The following CADPS2 variants were observed in gnomAD, a reference collection of about 807,000 sequenced individuals.
CADPS2 encodes the protein calcium dependent secretion activator 2.
Under a neutral mutation model 172.5 loss-of-function variants are expected in CADPS2, and 93 were observed. The ratio of observed to expected loss-of-function variants is 0.54; its 90% CI spans 0.46 to 0.64. The LOEUF (loss-of-function observed/expected upper bound fraction) is 0.64. Ranked by LOEUF, CADPS2 falls within the 30% of genes least tolerant of loss-of-function variation. The pLI is 0.00. For synonymous variants in CADPS2, 546 were observed against 555.2 expected (o/e 0.98, Z 0.23); for missense variants, 1,420 against 1,565.9 (o/e 0.91, Z 1.57).
chr7:122,533,439 G>A (rs2061956493), intron 8 of CADPS2, among the ~76,000 whole-genome samples: 1 of 151,872 alleles, frequency 6.6e-6, no homozygotes, highest in Non-Finnish European at 1.5e-5. Flanking sequence ...TATTTTAAAT[G>A]TACACCCATG....
chr7:122,747,881 T>C (rs1212230680), intron 1 of CADPS2, among the ~76,000 whole-genome samples: 3 of 152,140 alleles, frequency 2.0e-5, no homozygotes, highest in African/African-American at 2.4e-5. Context: ...TAGAACCTAA[T>C]TAAGACGACA....
At chr7:122,845,203 T>C (rs1811653281) in intron 1 of CADPS2, among the ~76,000 whole-genome samples, 1 of 152,194 alleles carries the variant, frequency 6.6e-6, no homozygotes, top group Non-Finnish European at 1.5e-5. Context: ...CAGTAAGTGG[T>C]GGCTCAGCAA....
intron 4 of CADPS2, among the ~76,000 whole-genome samples, chr7:122,625,208 G>A (rs935567413): frequency 6.6e-5 from 10 of 151,932 alleles, no homozygotes; most frequent in South Asian, 4.2e-4. Context: ...GCGCCACCAC[G>A]CCCGGCTAAT....
intron 15 of CADPS2, among the ~76,000 whole-genome samples, chr7:122,448,912 TAAGGTGTGAGATAAAG>T (rs2052662481): frequency 1.3e-5 from 2 of 152,166 alleles, no homozygotes. Context: ...GCTTAACGGC[TAAGGTGTGAGATAAAG>T]AAAAAAAAAA....
At chr7:122,438,256 A>C (rs949839813) in intron 17 of CADPS2, 85 bp downstream of exon 17, 21 of 1,531,836 alleles carry the variant, frequency 1.4e-5, no homozygotes, top group Admixed American at 1.7e-5. Context: ...ATTGTTCAGG[A>C]AAGGAAAGGA....
intron 14 of CADPS2, among the ~76,000 whole-genome samples, chr7:122,460,455 A>C (rs1202663001): frequency 2.0e-5 from 3 of 152,042 alleles, no homozygotes; most frequent in African/African-American, 7.2e-5. Context: ...ATGGGACCCT[A>C]GAATGGGTTA....
At chr7:122,443,225 C>A (rs1041341595) in intron 15 of CADPS2, among the ~76,000 whole-genome samples, 5 of 152,116 alleles carry the variant, frequency 3.3e-5, no homozygotes, top group African/African-American at 9.7e-5. Flanking sequence ...ATTAGCTGCC[C>A]ATGATGTGTA....
chr7:122,492,621 G>T (rs1586598078), intron 9 of CADPS2, among the ~76,000 whole-genome samples: 2 of 152,194 alleles, frequency 1.3e-5, no homozygotes, highest in Admixed American at 1.3e-4. Flanking sequence ...AGAAAAGGCT[G>T]TTTGGTGGAT....
At chr7:122,396,917 T>A (rs984316236) in intron 20 of CADPS2, among the ~76,000 whole-genome samples, 1 of 152,222 alleles carries the variant, frequency 6.6e-6, no homozygotes, top group South Asian at 2.1e-4. Context: ...TAATCAAATG[T>A]TTGTTGGATG....
chr7:122,698,882 T>C (rs2085584011), intron 2 of CADPS2: 1 of 1,603,594 alleles, frequency 6.2e-7, no homozygotes, highest in African/African-American at 1.3e-5. Flanking sequence ...GAAGAGGCAG[T>C]GTTGTTTCTC....
intron 17 of CADPS2, among the ~76,000 whole-genome samples, chr7:122,430,502 T>C (rs959867126): frequency 3.3e-5 from 5 of 152,142 alleles, no homozygotes; most frequent in Admixed American, 1.3e-4. Context: ...TTAGGAAACA[T>C]GATGCTTCAG....
chr7:122,484,063 A>G (rs1245391532), intron 11 of CADPS2, among the ~76,000 whole-genome samples: 1 of 152,220 alleles, frequency 6.6e-6, no homozygotes, highest in Non-Finnish European at 1.5e-5. Flanking sequence ...GATTGAAGGC[A>G]TTCCCAGTAA....
intron 13 of CADPS2, among the ~76,000 whole-genome samples, chr7:122,472,692 G>C (rs973334819): frequency 6.6e-6 from 1 of 152,112 alleles, no homozygotes; most frequent in African/African-American, 2.4e-5. Flanking sequence ...ATCCCTTATT[G>C]ATGTTCACTC....
At chr7:122,323,522 T>C (rs1211785795) in intron 29 of CADPS2, among the ~76,000 whole-genome samples, 4 of 152,050 alleles carry the variant, frequency 2.6e-5, no homozygotes, top group African/African-American at 7.2e-5. Context: ...ACACTGTATA[T>C]CTTGAGTATA....
chr7:122,742,887 T>C (rs2092560531), intron 1 of CADPS2, among the ~76,000 whole-genome samples: 1 of 152,158 alleles, frequency 6.6e-6, no homozygotes, highest in South Asian at 2.1e-4. Context: ...TTTAAAAATA[T>C]TCATCAGTTC....
intron 24 of CADPS2, among the ~76,000 whole-genome samples, chr7:122,384,803 C>A (rs906319585): frequency 6.6e-6 from 1 of 152,012 alleles, no homozygotes; most frequent in African/African-American, 2.4e-5. Flanking sequence ...AATCATTTGA[C>A]AATGTAACAA....
intron 14 of CADPS2, among the ~76,000 whole-genome samples, chr7:122,469,288 C>T (rs1299958124): frequency 7.2e-5 from 11 of 152,134 alleles, no homozygotes; most frequent in Admixed American, 5.2e-4. Flanking sequence ...TTTTACCTTT[C>T]TGTGTGGATG....
chr7:122,834,375 T>A (rs1807578733), intron 1 of CADPS2, among the ~76,000 whole-genome samples: 2 of 151,756 alleles, frequency 1.3e-5, no homozygotes, highest in Admixed American at 6.6e-5. Context: ...GCGACACGGG[T>A]AATTTCTGCA....
chr7:122,415,705 C>T (rs6979796), intron 18 of CADPS2, among the ~76,000 whole-genome samples: 62,907 of 151,652 alleles, frequency 0.41, 13,369 homozygotes, highest in African/African-American at 0.51. Flanking sequence ...CTTAGGGTCA[C>T]TGCAAGCCCT....
Sources: gnomAD v4.1 joint callset for allele counts (sites outside exome capture counted in the v4.1 genomes callset) on GRCh38, gnomAD v4.1.1 for gene constraint, MANE v1.5 for transcripts, NCBI Gene and HGNC (gene_info 2026-07-23, HGNC 2026-07-21) for gene names.